TTC7B: variants seen among roughly 807,000 people sequenced by gnomAD.
The protein encoded by TTC7B is tetratricopeptide repeat protein 7B.
In TTC7B, 28 loss-of-function variants were observed where a neutral mutation model predicts 106.8. That is an observed-to-expected ratio of 0.26 (90% confidence interval 0.19 to 0.36). The LOEUF (loss-of-function observed/expected upper bound fraction) is 0.36. Among genes scored for constraint, TTC7B ranks in the 10% least tolerant of loss-of-function variants. The pLI is 1.00. For synonymous variants in TTC7B, 405 were observed against 430.6 expected (o/e 0.94, Z 0.74); for missense variants, 862 against 1,076.4 (o/e 0.80, Z 2.79).
chr14:90,603,404 C>T, intron 17 of TTC7B: 2 of 705,754 alleles, frequency 2.8e-6, no homozygotes, highest in Non-Finnish European at 4.2e-6. Context: ...AATAACCTTC[C>T]AACTGTAAGT....
At chr14:90,574,688 G>C (rs1891185629) in intron 19 of TTC7B, among the ~76,000 whole-genome samples, 1 of 152,176 alleles carries the variant, frequency 6.6e-6, no homozygotes, top group African/African-American at 2.4e-5. Context: ...TCTGGCACCT[G>C]CTGCCACTTA....
chr14:90,644,562 C>T (rs1885351565), intron 14 of TTC7B, among the ~76,000 whole-genome samples: 1 of 152,186 alleles, frequency 6.6e-6, no homozygotes, highest in Admixed American at 6.5e-5. Flanking sequence ...TTTGATTATG[C>T]CCAAGATGAT....
rs1228738388 is a variant in TTC7B, at chr14:90,695,693, A to C, written c.699-115T>G. The C allele has an allele frequency of 5.9e-6, 3 of 508,086 alleles. No homozygotes were observed. In the African/African-American group the frequency reaches 6.0e-5, roughly 10 times the overall value. 31.5% of individuals were successfully genotyped at this position (508,086 alleles called of 1,614,324 possible). On this transcript the variant is annotated intron_variant, in intron 5 of 19. Coordinates refer to ENST00000328459, the MANE Select transcript of TTC7B (RefSeq NM_001010854.2). ...AAAAGCTGTTGGCTAGATTTTAAGC[A>C]AACGATTACTCTGCACATGCCTAGC...
rs1259702217 is a variant in TTC7B at position 90,657,820 on chromosome 14, C to T, written c.1236+484G>A. 2.7e-5 allele frequency: 5 copies of T among 184,450 alleles called. No individual in the cohort carries two copies. The highest frequency in any genetic ancestry group is 1.0e-4 in the South Asian group (1 of 9,556). 11.4% of individuals were successfully genotyped at this position (184,450 alleles called of 1,614,324 possible). Reference sequence around the variant, plus strand: ...AGGTGCTGTTCTTACTCCATTTTACCGAGGAAACTGAGCTGCTCAGTAACT... The same window carrying T: ...AGGTGCTGTTCTTACTCCATTTTACTGAGGAAACTGAGCTGCTCAGTAACT... On this transcript the variant is annotated intron_variant, in intron 10 of 19. Transcript: ENST00000328459. The surrounding 1 kb of genome is among the most constrained non-coding windows in gnomAD (Gnocchi z 4.2).
At chr14:90,583,485 AT>A (rs1454532306) in intron 18 of TTC7B, among the ~76,000 whole-genome samples, 1 of 152,222 alleles carries the variant, frequency 6.6e-6, no homozygotes, top group Non-Finnish European at 1.5e-5. Context: ...ATTTAAAAAA[AT>A]AAAGGGCCTT....
chr14:90,703,891 G>A (rs903550533), intron 5 of TTC7B, among the ~76,000 whole-genome samples: 1 of 152,192 alleles, frequency 6.6e-6, no homozygotes, highest in African/African-American at 2.4e-5. Context: ...AACCCGCTTG[G>A]GCCTGGGAAA....
At chr14:90,691,645 G>A (rs1243855657) in intron 6 of TTC7B, among the ~76,000 whole-genome samples, 1 of 152,164 alleles carries the variant, frequency 6.6e-6, no homozygotes, top group Non-Finnish European at 1.5e-5. Flanking sequence ...GGATGTTTAT[G>A]TACAAATTTG....
intron 5 of TTC7B, among the ~76,000 whole-genome samples, chr14:90,695,839 AG>A: frequency 1.3e-5 from 2 of 152,220 alleles, no homozygotes; most frequent in African/African-American, 4.8e-5. Flanking sequence ...CAAATTAAAA[AG>A]CAAGATACCT....
At chr14:90,644,285 G>A (rs1162252407) in intron 14 of TTC7B, 77 bp from the exon 15 acceptor site, 39 of 1,028,460 alleles carry the variant, frequency 3.8e-5, no homozygotes, top group African/African-American at 1.2e-4. Context: ...ACACACGCGC[G>A]AAAGAAGCCA....
At chr14:90,745,511 A>T (rs568050564) in intron 3 of TTC7B, among the ~76,000 whole-genome samples, 1 of 152,258 alleles carries the variant, frequency 6.6e-6, no homozygotes, top group African/African-American at 2.4e-5. Context: ...GGATTTGCTC[A>T]AATCCTTTCT....
intron 19 of TTC7B, among the ~76,000 whole-genome samples, chr14:90,552,042 G>C (rs1332193676): frequency 6.6e-6 from 1 of 152,224 alleles, no homozygotes; most frequent in Non-Finnish European, 1.5e-5. Flanking sequence ...GTTTGCCAGG[G>C]GGCCAAGTGT....
intron 3 of TTC7B, among the ~76,000 whole-genome samples, chr14:90,780,273 CGG>C (rs1360569255): frequency 2.6e-5 from 4 of 151,774 alleles, no homozygotes; most frequent in Non-Finnish European, 5.9e-5. Context: ...CCCAGCTACT[CGG>C]GAGGTTGAGG....
In TTC7B at chr14:90,527,772, G is replaced by A. The variant is rs375153777; in HGVS notation, c.*13596C>T. The A allele has an allele frequency of 1.3e-5, 2 of 151,784 alleles. No individual in the cohort carries two copies. The highest frequency in any genetic ancestry group is 4.8e-5 in the African/African-American group (2 of 41,354). 9.4% of individuals were successfully genotyped at this position (151,784 alleles called of 1,614,324 possible). ...GATGGGCTTTCACCGTGTTAGCCAG[G>A]ATGGTCTTGATCTCCTGACCTCATG... On this transcript the variant is annotated 3_prime_UTR_variant, in exon 20 of 20. Transcript: ENST00000328459.
At chr14:90,544,685 G>A (rs1023379582) in intron 19 of TTC7B, among the ~76,000 whole-genome samples, 3 of 152,160 alleles carry the variant, frequency 2.0e-5, no homozygotes, top group African/African-American at 7.2e-5. Flanking sequence ...ACCCGAGAAC[G>A]TTCCAACGTA....
At chr14:90,561,649 G>A (rs1890588064) in intron 19 of TTC7B, among the ~76,000 whole-genome samples, 1 of 152,210 alleles carries the variant, frequency 6.6e-6, no homozygotes, top group Non-Finnish European at 1.5e-5. Context: ...ACTTGCCCAA[G>A]GGCCCCAGCT....
At chr14:90,701,877 T>C (rs1031417053) in intron 5 of TTC7B, among the ~76,000 whole-genome samples, 1 of 149,988 alleles carries the variant, frequency 6.7e-6, no homozygotes, top group African/African-American at 2.5e-5. Context: ...TGAGGCACAG[T>C]GAACGCAATG....
chr14:90,800,034 G>C (rs973210061), intron 1 of TTC7B, among the ~76,000 whole-genome samples: 1 of 151,998 alleles, frequency 6.6e-6, no homozygotes, highest in Non-Finnish European at 1.5e-5. Flanking sequence ...GGGTTTCACC[G>C]TGTTAGCCAG....
At chr14:90,625,706 C>T (rs1276807519) in intron 15 of TTC7B, among the ~76,000 whole-genome samples, 1 of 152,204 alleles carries the variant, frequency 6.6e-6, no homozygotes, top group Non-Finnish European at 1.5e-5. Flanking sequence ...TGGAACAGGT[C>T]ATGTGACCAT....
At chr14:90,814,102 T>C (rs1431682639) in intron 1 of TTC7B, among the ~76,000 whole-genome samples, 1 of 152,210 alleles carries the variant, frequency 6.6e-6, no homozygotes, top group Non-Finnish European at 1.5e-5. Flanking sequence ...CTATGTCCCA[T>C]GAGTTTCCCC....
Sources: gnomAD v4.1 joint callset for allele counts (sites outside exome capture counted in the v4.1 genomes callset) on GRCh38, gnomAD v4.1.1 for gene constraint, Gnocchi (gnomAD v3.1) non-coding constraint, MANE v1.5 for transcripts, NCBI Gene and HGNC (gene_info 2026-07-23, HGNC 2026-07-21) for gene names.